Variants in RHBDD1 observed in about 807,000 individuals in gnomAD.
RHBDD1 encodes the protein rhomboid-related protein 4.
RHBDD1 carries 38 observed loss-of-function variants against 36.3 expected under a neutral mutation model. That is an observed-to-expected ratio of 1.05 (90% CI 0.81 to 1.37). The LOEUF (loss-of-function observed/expected upper bound fraction) is 1.37, where lower values mean the gene tolerates loss of function less well. Ranked by LOEUF, RHBDD1 falls within the 40% of genes most tolerant of loss-of-function variation. The probability of loss-of-function intolerance (pLI) is 0.00; values close to 1 mark genes in which losing one functional copy is unlikely to be tolerated. For missense variants in RHBDD1, 393 were observed against 377.6 expected (o/e 1.04, Z -0.34); for synonymous variants, 151 against 136.5 (o/e 1.11, Z -0.74).
At chr2:226,926,067 A>G (rs1159529429) in intron 8 of RHBDD1, among the ~76,000 whole-genome samples, 1 of 152,046 alleles carries the variant, frequency 6.6e-6, no homozygotes, top group African/African-American at 2.4e-5. Flanking sequence ...TAAATCCTTC[A>G]ATGTGTATCT....
intron 5 of RHBDD1, among the ~76,000 whole-genome samples, chr2:226,877,624 AGG>A (rs1945353915): frequency 7.7e-6 from 1 of 130,716 alleles, no homozygotes; most frequent in Admixed American, 8.3e-5. Context: ...GAAAGTGGGG[AGG>A]GCCCATGAAA....
intron 8 of RHBDD1, among the ~76,000 whole-genome samples, chr2:226,984,826 C>T (rs768927806): frequency 1.3e-5 from 2 of 151,200 alleles, no homozygotes; most frequent in Non-Finnish European, 2.9e-5. Flanking sequence ...TGTCCTTAGA[C>T]AGCAGTGTGC....
intron 8 of RHBDD1, among the ~76,000 whole-genome samples, chr2:226,947,488 C>T (rs1647673686): frequency 1.3e-5 from 2 of 152,146 alleles, no homozygotes; most frequent in Non-Finnish European, 2.9e-5. Flanking sequence ...CAGTACCATG[C>T]TGTTTTGGTG....
chr2:226,815,285 C>A, the RHBDD1 span, among the ~76,000 whole-genome samples: 104 of 152,214 alleles, frequency 6.8e-4, no homozygotes, highest in East Asian at 0.019. Context: ...TAATTTCTTA[C>A]CACTAATGAC....
intron 5 of RHBDD1, among the ~76,000 whole-genome samples, chr2:226,891,643 A>G (rs138580659): frequency 5.6e-4 from 86 of 152,270 alleles, no homozygotes; most frequent in African/African-American, 2.0e-3. Flanking sequence ...AATGCTAGCA[A>G]TCCTAGAGAA....
At chr2:226,968,325 T>C (rs1952803549) in intron 8 of RHBDD1, among the ~76,000 whole-genome samples, 1 of 152,148 alleles carries the variant, frequency 6.6e-6, no homozygotes, top group Non-Finnish European at 1.5e-5. Flanking sequence ...ACCAGGCAAG[T>C]CCAAAATCTG....
intron 8 of RHBDD1, among the ~76,000 whole-genome samples, chr2:226,989,636 G>C (rs1957740713): frequency 6.6e-6 from 1 of 152,172 alleles, no homozygotes. Flanking sequence ...GGGAATTCTA[G>C]AAGTCTGACC....
intron 3 of RHBDD1, among the ~76,000 whole-genome samples, chr2:226,846,278 TGAA>T (rs1942207040): frequency 3.3e-5 from 5 of 152,180 alleles, no homozygotes; most frequent in Non-Finnish European, 4.4e-5. Flanking sequence ...AAAGTTTGTA[TGAA>T]GGATAGTAAA....
At chr2:226,866,180 C>G (rs776248656) in intron 4 of RHBDD1, among the ~76,000 whole-genome samples, 10 of 152,148 alleles carry the variant, frequency 6.6e-5, no homozygotes, top group Admixed American at 3.9e-4. Context: ...AAGCGATTCT[C>G]CTGCCACAGC....
the RHBDD1 span, among the ~76,000 whole-genome samples, chr2:226,826,264 A>G: frequency 6.6e-6 from 1 of 152,228 alleles, no homozygotes; most frequent in Non-Finnish European, 1.5e-5. Flanking sequence ...GAGTTTAAGC[A>G]TTAAAATTTT....
chr2:226,954,334 C>A (rs4234062), intron 8 of RHBDD1, among the ~76,000 whole-genome samples: 69,527 of 151,838 alleles, frequency 0.46, 16,102 homozygotes, highest in African/African-American at 0.53. Context: ...TTTTTTTCAA[C>A]AAGAATTTGT....
In RHBDD1 at chr2:226,893,465, A is replaced by C. The variant is rs576639344; in HGVS notation, c.567-13328A>C. On this transcript the variant is annotated intron_variant, in intron 5 of 8. Coordinates refer to ENST00000392062, the MANE Select transcript of RHBDD1 (RefSeq NM_001167608.3). Reference sequence around the variant, plus strand: ...GATCATGGCCTCTTTCAAATATTCAACTCCCCATGTGCATTTCAGTTGTGG... The same window carrying C: ...GATCATGGCCTCTTTCAAATATTCACCTCCCCATGTGCATTTCAGTTGTGG... Among the ~76,000 whole-genome samples the C allele has an allele frequency of 1.2e-4, 18 of 152,006 alleles. 1 individual carries two copies. Among genetic ancestry groups the C allele is most frequent in the Non-Finnish European group, 2.4e-4 (16 of 67,968 alleles).
intron 6 of RHBDD1, chr2:226,907,139 A>G: frequency 1.9e-6 from 1 of 534,942 alleles, no homozygotes. Flanking sequence ...CCTCAACCTT[A>G]ATGCTACCCG....
the RHBDD1 span, among the ~76,000 whole-genome samples, chr2:226,810,104 C>A: frequency 6.6e-6 from 1 of 152,178 alleles, no homozygotes; most frequent in Non-Finnish European, 1.5e-5. Context: ...AGTTGAAAAT[C>A]TGCATATAAC....
At chr2:226,827,343 CAAAT>C in the RHBDD1 span, among the ~76,000 whole-genome samples, 1 of 152,254 alleles carries the variant, frequency 6.6e-6, no homozygotes, top group African/African-American at 2.4e-5. Flanking sequence ...TCCATTATCC[CAAAT>C]AAATTATCTA....
chr2:226,835,432 G>A (rs1221449374), upstream of RHBDD1: 1 of 152,244 alleles, frequency 6.6e-6, no homozygotes, highest in South Asian at 2.1e-4. Flanking sequence ...CAAGCTTCTG[G>A]GAGTGAAAGG....
intron 8 of RHBDD1, among the ~76,000 whole-genome samples, chr2:226,953,116 CT>C (rs1951546421): frequency 6.6e-6 from 1 of 152,138 alleles, no homozygotes; most frequent in South Asian, 2.1e-4. Context: ...TGAGTCTTTA[CT>C]TTTGAGGAAT....
chr2:226,833,047 A>C (rs1940781087), upstream of RHBDD1, among the ~76,000 whole-genome samples: 1 of 152,212 alleles, frequency 6.6e-6, no homozygotes, highest in South Asian at 2.1e-4. Flanking sequence ...TAGTATAGCC[A>C]CTACAAATCT....
At chr2:226,947,682 G>T (rs1951080514) in intron 8 of RHBDD1, among the ~76,000 whole-genome samples, 1 of 152,046 alleles carries the variant, frequency 6.6e-6, no homozygotes, top group Admixed American at 6.6e-5. Context: ...CTGACAAAGG[G>T]CTAATATCCA....
Sources: gnomAD v4.1 joint callset for allele counts (sites outside exome capture counted in the v4.1 genomes callset) on GRCh38, gnomAD v4.1.1 for gene constraint, MANE v1.5 for transcripts, NCBI Gene and HGNC (gene_info 2026-07-23, HGNC 2026-07-21) for gene names.